The following BCAS3 variants were observed in gnomAD, a reference collection of about 807,000 sequenced individuals.
BCAS3 encodes the protein BCAS4/BCAS3 fusion.
Under a neutral mutation model 116.1 loss-of-function variants are expected in BCAS3, and 53 were observed. The ratio of observed to expected loss-of-function variants is 0.46; its 90% confidence interval spans 0.37 to 0.57. The LOEUF (loss-of-function observed/expected upper bound fraction) is 0.57. BCAS3 is among the 20% of genes least tolerant of loss of function. The pLI, the probability that BCAS3 is intolerant of heterozygous loss-of-function variation, is 0.00. For missense variants in BCAS3, 917 were observed against 1,165.4 expected, an observed-to-expected ratio of 0.79 and a Z score of 3.10; for synonymous variants, 391 against 408.2, an observed-to-expected ratio of 0.96 and a Z score of 0.51.
At chr17:60,777,574 T>A (rs866647391) in intron 6 of BCAS3, among the ~76,000 whole-genome samples, 2 of 151,952 alleles carry the variant, frequency 1.3e-5, no homozygotes, top group Non-Finnish European at 2.9e-5. Context: ...TGTAGTGAGC[T>A]GAGATCATGC....
intron 13 of BCAS3, among the ~76,000 whole-genome samples, chr17:60,935,540 A>G (rs896015975): frequency 5.3e-5 from 8 of 152,130 alleles, no homozygotes; most frequent in Non-Finnish European, 8.8e-5. Flanking sequence ...TTGTTCTGTA[A>G]CATAGTCACA....
chr17:61,321,113 C>A (rs1201178894), intron 22 of BCAS3, among the ~76,000 whole-genome samples: 1 of 152,072 alleles, frequency 6.6e-6, no homozygotes, highest in East Asian at 1.9e-4. Flanking sequence ...AATCTAGGGT[C>A]TTTTGGCCTT....
chr17:61,269,885 C>A (rs1405293203), intron 22 of BCAS3, among the ~76,000 whole-genome samples: 1 of 151,602 alleles, frequency 6.6e-6, no homozygotes, highest in Non-Finnish European at 1.5e-5. Flanking sequence ...CTTACTGCAA[C>A]CTCCGCCTCC....
At chr17:61,178,790 T>G (rs2079298430) in intron 22 of BCAS3, among the ~76,000 whole-genome samples, 1 of 152,196 alleles carries the variant, frequency 6.6e-6, no homozygotes. Context: ...CAGGAATTAG[T>G]ACCCCCAAAT....
chr17:60,908,447 T>C (rs1220131161), intron 11 of BCAS3, among the ~76,000 whole-genome samples: 3 of 151,994 alleles, frequency 2.0e-5, no homozygotes, highest in African/African-American at 7.2e-5. Context: ...GATAAAGGGA[T>C]AGCTGTGTTT....
intron 22 of BCAS3, among the ~76,000 whole-genome samples, chr17:61,182,239 G>A (rs2079523710): frequency 6.6e-6 from 1 of 152,104 alleles, no homozygotes; most frequent in Admixed American, 6.5e-5. Flanking sequence ...TTTTGTGAAA[G>A]CATCCCACCA....
In BCAS3 at chr17:61,141,149, G is replaced by A. The variant is rs1279990669; in HGVS notation, c.2425+56585G>A. ...ACTTACACCTACTGGTTCATAAATG[G>A]TCATAAATGTTCAACATTTACGAAT... On this transcript the variant is annotated intron_variant, in intron 22 of 23. Transcript: ENST00000407086. The surrounding 1 kb of genome is among the most constrained non-coding windows in gnomAD (Gnocchi z 4.3). Among the ~76,000 whole-genome samples, 1 of 151,980 alleles carries A rather than the reference G, an allele frequency of 6.6e-6. No homozygotes were observed. The highest frequency in any genetic ancestry group is 1.5e-5 in the Non-Finnish European group (1 of 68,006).
rs35581770 is a variant in BCAS3, at chr17:61,322,794, C to CAGAGAGAGAG, written c.2426-45507_2426-45498dup. ...TTAAGCCTCTCTTGAGAGAGAGAGA[C>CAGAGAGAGAG]AGAGAGAGAGAGAGAGAGAGAGAGA... On this transcript the variant is annotated intron_variant, in intron 22 of 23. Coordinates refer to ENST00000407086, the MANE Select transcript of BCAS3 (RefSeq NM_017679.5). Among the ~76,000 whole-genome samples the CAGAGAGAGAG allele has an allele frequency of 1.1e-3, 110 of 99,680 alleles. 4 individuals carry two copies. The highest frequency in any genetic ancestry group is 4.4e-3 in the African/African-American group (106 of 24,154). 65.4% of individuals were successfully genotyped at this position (99,680 alleles called of 152,430 possible). A position where few individuals can be genotyped will look rare whatever the true frequency, so the allele number is the denominator to read the frequency against.
chr17:61,068,194 A>G lies in BCAS3; in HGVS notation c.2030-6726A>G, dbSNP rs1046628127. On this transcript the variant is annotated intron_variant, in intron 19 of 23. Coordinates refer to ENST00000407086, the MANE Select transcript of BCAS3 (RefSeq NM_017679.5). The surrounding 1 kb of genome is among the most constrained non-coding windows in gnomAD (Gnocchi z 4.3). ...TTGTATCTTGGTCCATTGAACTTGG[A>G]TTTGCAAGATATGTAACTTTATTTT... Among the ~76,000 whole-genome samples, 8 of 152,124 alleles carry G rather than the reference A, an allele frequency of 5.3e-5. No homozygotes were observed. Among genetic ancestry groups the G allele is most frequent in the Admixed American group, 5.2e-4 (8 of 15,268 alleles).
Position 60,698,039 on chromosome 17 carries a change from C to T in BCAS3, c.214+8278C>T, listed in dbSNP as rs548220087. ...CTAAAAATACAAAAAATTAGCCAGG[C>T]GTGGTGACGGGCGCCTGTAGTCCCA... On this transcript the variant is annotated intron_variant, in intron 4 of 23. Transcript: ENST00000407086. Among the ~76,000 whole-genome samples, 10 of 151,842 alleles carry T rather than the reference C, an allele frequency of 6.6e-5. No individual in the cohort carries two copies. In the South Asian group the frequency reaches 2.1e-3, roughly 32 times the overall value.
At chr17:60,743,936 T>C (rs1330758361) in intron 5 of BCAS3, among the ~76,000 whole-genome samples, 1 of 152,244 alleles carries the variant, frequency 6.6e-6, no homozygotes, top group Non-Finnish European at 1.5e-5. Flanking sequence ...CTATTTTCTA[T>C]GGTTGGAAAA....
Position 61,026,854 on chromosome 17 carries a change from T to G in BCAS3, c.1638-7812T>G. On this transcript the variant is annotated intron_variant, in intron 16 of 23. Coordinates refer to ENST00000407086, the MANE Select transcript of BCAS3 (RefSeq NM_017679.5). The surrounding 1 kb of genome is among the most constrained non-coding windows in gnomAD (Gnocchi z 5.0). ...CTAATTTTTTGTGCATTTTTCCCCC[T>G]TTTCCATGAAGGCCTTATCTCTTTG... is the stretch of plus-strand genomic sequence containing the variant. The G allele has an allele frequency of 1.3e-6, 2 of 1,591,856 alleles. No homozygotes were observed. The highest frequency in any genetic ancestry group is 8.6e-7 in the Non-Finnish European group (1 of 1,167,454).
chr17:60,821,837 C>T (rs570528963), intron 7 of BCAS3: 41 of 152,182 alleles, frequency 2.7e-4, no homozygotes, highest in Admixed American at 2.2e-3. Flanking sequence ...TACTGTGCCT[C>T]ACTAATTTTT....
At chr17:61,078,618 C>T (rs910706366) in intron 21 of BCAS3, 89 bp downstream of exon 21, 6 of 1,163,450 alleles carry the variant, frequency 5.2e-6, no homozygotes, top group Non-Finnish European at 7.3e-6. Flanking sequence ...TAGGTTTCCC[C>T]TTTTGGCACA....
chr17:60,899,529 G>A (rs537604804), intron 10 of BCAS3, among the ~76,000 whole-genome samples: 4 of 151,958 alleles, frequency 2.6e-5, no homozygotes, highest in African/African-American at 7.2e-5. Flanking sequence ...ATGGAGTCTC[G>A]CTCTGTTGCC....
At chr17:60,959,399 CA>C (rs2061308542) in intron 14 of BCAS3, among the ~76,000 whole-genome samples, 1 of 151,882 alleles carries the variant, frequency 6.6e-6, no homozygotes, top group Non-Finnish European at 1.5e-5. Context: ...TGGATTTCAT[CA>C]AAATGAAACA....
Position 61,134,570 on chromosome 17 carries a change from A to G in BCAS3, c.2425+50006A>G, listed in dbSNP as rs940783659. Among the ~76,000 whole-genome samples the G allele has an allele frequency of 2.6e-5, 4 of 152,236 alleles. No individual in the cohort carries two copies. Among genetic ancestry groups the G allele is most frequent in the Non-Finnish European group, 5.9e-5 (4 of 68,038 alleles). ...TTTGGTTCTAGAATTATAGGAAAGTATTTTAAAGTCGAGAGAACTGTGTTA... is the reference window on the plus strand; with the variant it reads ...TTTGGTTCTAGAATTATAGGAAAGTGTTTTAAAGTCGAGAGAACTGTGTTA... On this transcript the variant is annotated intron_variant, in intron 22 of 23. Transcript: ENST00000407086. The surrounding 1 kb of genome is among the most constrained non-coding windows in gnomAD (Gnocchi z 4.6).
chr17:61,034,576 G>T lies in BCAS3; in HGVS notation c.1638-90G>T. ...ATGTTCATACTGGAGGATTTGAATA[G>T]GGGTGGAATTTAAAGGAAAAACTGT... On this transcript the variant is annotated intron_variant, in intron 16 of 23. Coordinates refer to ENST00000407086, the MANE Select transcript of BCAS3 (RefSeq NM_017679.5). The surrounding 1 kb of genome is among the most constrained non-coding windows in gnomAD (Gnocchi z 5.0). The T allele has an allele frequency of 8.4e-7, 1 of 1,188,686 alleles. No individual in the cohort carries two copies. The highest frequency in any genetic ancestry group is 1.2e-6 in the Non-Finnish European group (1 of 854,970). 73.6% of individuals were successfully genotyped at this position (1,188,686 alleles called of 1,614,324 possible).
intron 22 of BCAS3, among the ~76,000 whole-genome samples, chr17:61,306,048 C>T (rs1568807764): frequency 6.6e-6 from 1 of 152,216 alleles, no homozygotes; most frequent in African/African-American, 2.4e-5. Context: ...TGCCCTTAAC[C>T]AGAGTTCTGG....
Sources: allele counts gnomAD v4.1 joint callset (sites outside exome capture counted in the v4.1 genomes callset), GRCh38; gene constraint gnomAD v4.1.1; non-coding constraint Gnocchi (gnomAD v3.1); transcripts MANE v1.5; gene names NCBI Gene and HGNC (gene_info 2026-07-23, HGNC 2026-07-21).